PRKCE: variants seen among roughly 807,000 people sequenced by gnomAD.
The protein encoded by PRKCE is protein kinase C epsilon type.
PRKCE carries 16 observed loss-of-function variants against 85.4 expected under a neutral mutation model. The ratio of observed to expected loss-of-function variants is 0.19; its 90% confidence interval spans 0.13 to 0.28. The LOEUF is 0.28. PRKCE is among the 10% of genes least tolerant of loss of function. PRKCE has a pLI of 1.00. For synonymous variants in PRKCE, 388 were observed against 371.5 expected (o/e 1.04, Z -0.51); for missense variants, 573 against 975.2 (o/e 0.59, Z 5.49).
intron 1 of PRKCE, among the ~76,000 whole-genome samples, chr2:45,655,940 G>A (rs1479602518): frequency 6.6e-6 from 1 of 151,534 alleles, no homozygotes; most frequent in African/African-American, 2.4e-5. Flanking sequence ...GAAACAGTAG[G>A]TTATATTTAA....
chr2:45,802,296 G>C (rs976995484), intron 1 of PRKCE, among the ~76,000 whole-genome samples: 2 of 152,028 alleles, frequency 1.3e-5, no homozygotes, highest in African/African-American at 4.8e-5. Flanking sequence ...AATAAATAAA[G>C]TATGCATTTG....
At chr2:45,741,696 C>T (rs562505863) in intron 1 of PRKCE, among the ~76,000 whole-genome samples, 2 of 152,210 alleles carry the variant, frequency 1.3e-5, no homozygotes, top group African/African-American at 4.8e-5. Context: ...AGGCTGCGGG[C>T]TGTGGTCTTG....
intron 2 of PRKCE, among the ~76,000 whole-genome samples, chr2:45,918,750 C>T (rs543108406): frequency 6.6e-6 from 1 of 152,116 alleles, no homozygotes; most frequent in South Asian, 2.1e-4. Flanking sequence ...GGCTGAGGCA[C>T]CGCAGGGCTG....
At chr2:45,836,693 T>G (rs941205108) in intron 1 of PRKCE, among the ~76,000 whole-genome samples, 2 of 152,164 alleles carry the variant, frequency 1.3e-5, no homozygotes, top group Non-Finnish European at 2.9e-5. Context: ...TCCCCCAGTC[T>G]TCTGTCCTGA....
intron 10 of PRKCE, among the ~76,000 whole-genome samples, chr2:46,028,693 G>A (rs147184757): frequency 6.1e-4 from 93 of 152,302 alleles, no homozygotes; most frequent in Middle Eastern, 6.8e-3. Context: ...TAAGTTCAGG[G>A]TATATGTGCA....
At chr2:45,908,302 A>T (rs1176353797) in intron 2 of PRKCE, among the ~76,000 whole-genome samples, 1 of 152,218 alleles carries the variant, frequency 6.6e-6, no homozygotes, top group African/African-American at 2.4e-5. Context: ...GCAAGTGCTG[A>T]AGAGGCAGCT....
At chr2:46,023,748 C>T (rs975781287) in intron 10 of PRKCE, among the ~76,000 whole-genome samples, 3 of 152,152 alleles carry the variant, frequency 2.0e-5, no homozygotes, top group African/African-American at 7.2e-5. Context: ...ATAACTTGGA[C>T]AGAACTGTGC....
Position 46,185,195 on chromosome 2 carries a change from A to T in PRKCE, c.*314A>T, listed in dbSNP as rs940557707. Reference sequence around the variant, plus strand: ...CTCAGGGGCTCCTGGCAGTGAAGCAACTTCAGTTCTTTTACTGCAAAGAAC... The same window carrying T: ...CTCAGGGGCTCCTGGCAGTGAAGCATCTTCAGTTCTTTTACTGCAAAGAAC... On this transcript the variant is annotated 3_prime_UTR_variant, in exon 15 of 15. Coordinates refer to ENST00000306156, the MANE Select transcript of PRKCE (RefSeq NM_005400.3). The surrounding 1 kb of genome is among the most constrained non-coding windows in gnomAD (Gnocchi z 4.7). 3.5e-6 allele frequency: 1 copy of T among 283,602 alleles called. No individual in the cohort carries two copies. Among genetic ancestry groups the T allele is most frequent in the Admixed American group, 5.0e-5 (1 of 19,954 alleles). 17.6% of individuals were successfully genotyped at this position (283,602 alleles called of 1,614,324 possible).
chr2:46,096,827 C>G (rs114931061), intron 11 of PRKCE, among the ~76,000 whole-genome samples: 1 of 152,204 alleles, frequency 6.6e-6, no homozygotes, highest in Admixed American at 6.5e-5. Context: ...GACCTCATCT[C>G]TCTGAGCCAC....
intron 14 of PRKCE, among the ~76,000 whole-genome samples, chr2:46,174,566 G>A (rs77054005): frequency 0.029 from 4,443 of 152,296 alleles, 79 homozygotes; most frequent in East Asian, 0.081. Context: ...GAGGCATGCA[G>A]CCCTCAGCTT....
At chr2:45,780,209 G>A (rs1686074092) in intron 1 of PRKCE, among the ~76,000 whole-genome samples, 1 of 152,216 alleles carries the variant, frequency 6.6e-6, no homozygotes, top group African/African-American at 2.4e-5. Flanking sequence ...CTTGAATGAT[G>A]ATTCAAATAA....
chr2:46,129,081 C>T (rs543171097), intron 11 of PRKCE, among the ~76,000 whole-genome samples: 15 of 152,282 alleles, frequency 9.9e-5, no homozygotes, highest in African/African-American at 3.4e-4. Context: ...CTGAGCAAGA[C>T]GTGCACCCTC....
chr2:45,939,274 C>T (rs1304520829), intron 2 of PRKCE, among the ~76,000 whole-genome samples: 1 of 152,170 alleles, frequency 6.6e-6, no homozygotes, highest in Non-Finnish European at 1.5e-5. Context: ...TTTGGTAGCA[C>T]CCCAATAGTG....
At chr2:45,747,200 G>A (rs114443781) in intron 1 of PRKCE, among the ~76,000 whole-genome samples, 1,759 of 152,158 alleles carry the variant, frequency 0.012, 34 homozygotes, top group African/African-American at 0.04. Context: ...AAAAAATTGT[G>A]GTAAAATACA....
At chr2:45,960,894 A>G (rs897801084) in intron 2 of PRKCE, among the ~76,000 whole-genome samples, 6 of 152,092 alleles carry the variant, frequency 3.9e-5, no homozygotes, top group African/African-American at 1.2e-4. Flanking sequence ...AACCTCTCCA[A>G]AAAGGATCTG....
chr2:46,023,882 G>A (rs1469428847), intron 10 of PRKCE, among the ~76,000 whole-genome samples: 4 of 93,190 alleles, frequency 4.3e-5, no homozygotes, highest in Non-Finnish European at 8.2e-5. Flanking sequence ...TAACAAAAAT[G>A]GCAGGAATTT....
chr2:45,689,621 G>C (rs1158620483), intron 1 of PRKCE, among the ~76,000 whole-genome samples: 1 of 151,878 alleles, frequency 6.6e-6, no homozygotes, highest in Non-Finnish European at 1.5e-5. Flanking sequence ...TTAAAAGTTT[G>C]TTTTCCAGCC....
At chr2:46,074,776 C>T (rs1668406733) in intron 10 of PRKCE, among the ~76,000 whole-genome samples, 1 of 152,186 alleles carries the variant, frequency 6.6e-6, no homozygotes, top group African/African-American at 2.4e-5. Flanking sequence ...TACTGAGCTG[C>T]ACGTGCACTG....
chr2:45,839,604 A>G (rs566329349), intron 1 of PRKCE, among the ~76,000 whole-genome samples: 21 of 152,348 alleles, frequency 1.4e-4, no homozygotes, highest in African/African-American at 4.8e-4. Flanking sequence ...GCCAATGCAG[A>G]CTGACAGCTT....
Sources: allele counts gnomAD v4.1 joint callset (sites outside exome capture counted in the v4.1 genomes callset), GRCh38; gene constraint gnomAD v4.1.1; non-coding constraint Gnocchi (gnomAD v3.1); transcripts MANE v1.5; gene names NCBI Gene and HGNC (gene_info 2026-07-23, HGNC 2026-07-21).